The following TMEM132C variants were observed in gnomAD, a reference collection of about 807,000 sequenced individuals.
The protein encoded by TMEM132C is protein phosphatase 1, regulatory subunit 152.
A neutral mutation model predicts 61.4 loss-of-function variants in TMEM132C; 29 were observed. That is an observed-to-expected ratio of 0.47 (90% CI 0.35 to 0.64). The LOEUF is 0.64. TMEM132C is among the 30% of genes least tolerant of loss of function. TMEM132C has a pLI of 0.00. For synonymous variants in TMEM132C, 656 were observed against 633.1 expected, an observed-to-expected ratio of 1.04 and a Z score of -0.54; for missense variants, 1,408 against 1,476.9, an observed-to-expected ratio of 0.95 and a Z score of 0.76.
At chr12:128,401,746 T>C (rs964131300) in intron 1 of TMEM132C, among the ~76,000 whole-genome samples, 2 of 152,302 alleles carry the variant, frequency 1.3e-5, no homozygotes, top group African/African-American at 4.8e-5. Context: ...CCTCTGTGAA[T>C]GTCCAGTGGG....
intron 1 of TMEM132C, among the ~76,000 whole-genome samples, chr12:128,376,797 G>A (rs182964425): frequency 3.3e-5 from 5 of 152,334 alleles, no homozygotes; most frequent in African/African-American, 9.6e-5. Flanking sequence ...TGTGTGCCCC[G>A]AAGTGGGCAT....
At chr12:128,462,708 G>T (rs940963419) in intron 2 of TMEM132C, among the ~76,000 whole-genome samples, 4 of 152,050 alleles carry the variant, frequency 2.6e-5, no homozygotes, top group Non-Finnish European at 5.9e-5. Context: ...AGTAGTAGGG[G>T]GAGCAAAAAT....
intron 2 of TMEM132C, among the ~76,000 whole-genome samples, chr12:128,484,231 G>A (rs558836826): frequency 6.6e-6 from 1 of 152,304 alleles, no homozygotes; most frequent in Non-Finnish European, 1.5e-5. Context: ...ATTCTAAGTT[G>A]CTTTCATCTT....
chr12:128,421,689 A>C (rs1205809749), intron 2 of TMEM132C, among the ~76,000 whole-genome samples: 2 of 152,246 alleles, frequency 1.3e-5, no homozygotes, highest in South Asian at 4.1e-4. Context: ...TTATAATCAA[A>C]TTAGTTCATG....
chr12:128,517,197 C>T (rs1161042599), intron 2 of TMEM132C, among the ~76,000 whole-genome samples: 1 of 151,750 alleles, frequency 6.6e-6, no homozygotes, highest in Non-Finnish European at 1.5e-5. Flanking sequence ...CACCACGGCA[C>T]TCCAGCCTGA....
intron 3 of TMEM132C, among the ~76,000 whole-genome samples, chr12:128,557,440 G>A (rs1874367453): frequency 6.6e-6 from 1 of 152,208 alleles, no homozygotes; most frequent in Admixed American, 6.5e-5. Flanking sequence ...GGGGAAGGCT[G>A]GGAAGCTGAT....
intron 1 of TMEM132C, among the ~76,000 whole-genome samples, chr12:128,286,050 C>T (rs1366130744): frequency 6.6e-5 from 5 of 75,986 alleles, no homozygotes; most frequent in South Asian, 5.2e-4. Context: ...CACCTCTATC[C>T]CTCTCTCCCT....
At chr12:128,402,292 A>G (rs917081032) in intron 1 of TMEM132C, among the ~76,000 whole-genome samples, 18 of 151,928 alleles carry the variant, frequency 1.2e-4, no homozygotes, top group Non-Finnish European at 2.1e-4. Context: ...GGTTTGTTAC[A>G]TAGGTAGCCA....
At chr12:128,677,198 G>T (rs977357504) in intron 5 of TMEM132C, among the ~76,000 whole-genome samples, 1 of 152,150 alleles carries the variant, frequency 6.6e-6, no homozygotes, top group African/African-American at 2.4e-5. Flanking sequence ...AGATTACCTG[G>T]CAGTGGTTTT....
chr12:128,326,687 T>C lies in TMEM132C; in HGVS notation c.85+59200T>C, dbSNP rs1324410514. Among the ~76,000 whole-genome samples, 3 of 152,218 alleles carry C rather than the reference T, an allele frequency of 2.0e-5. No individual in the cohort carries two copies. In the South Asian group the frequency reaches 6.2e-4, roughly 32 times the overall value. ...GGGAACACTGAAGCAGGATCTCTAT[T>C]AGCCTTTGTGCCCCTAAGACGGAGC... On this transcript the variant is annotated intron_variant, in intron 1 of 8. Transcript: ENST00000435159. This position sits in a 1 kb window ranked among gnomAD's most constrained non-coding sequence, Gnocchi z 5.6.
chr12:128,578,735 T>A (rs945064390), intron 3 of TMEM132C, among the ~76,000 whole-genome samples: 20 of 152,052 alleles, frequency 1.3e-4, no homozygotes, highest in Admixed American at 1.0e-3. Flanking sequence ...GTAGCTGGGA[T>A]CACAGGTACC....
At chr12:128,608,110 G>A (rs1011070678) in intron 3 of TMEM132C, among the ~76,000 whole-genome samples, 1 of 152,184 alleles carries the variant, frequency 6.6e-6, no homozygotes, top group Non-Finnish European at 1.5e-5. Context: ...CATGGCCTTA[G>A]AAAGATAAAT....
chr12:128,480,210 C>T (rs1593068433), intron 2 of TMEM132C, among the ~76,000 whole-genome samples: 2 of 152,234 alleles, frequency 1.3e-5, no homozygotes, highest in Middle Eastern at 3.4e-3. Flanking sequence ...CAGTGAGATA[C>T]GATTGTGCCA....
intron 1 of TMEM132C, among the ~76,000 whole-genome samples, chr12:128,393,904 C>T (rs944705029): frequency 8.5e-5 from 13 of 152,288 alleles, no homozygotes; most frequent in East Asian, 5.8e-4. Context: ...TTGTAGCTCC[C>T]GGCCTGGATA....
chr12:128,483,204 G>T (rs1263989556), intron 2 of TMEM132C, among the ~76,000 whole-genome samples: 2 of 148,726 alleles, frequency 1.3e-5, no homozygotes, highest in Non-Finnish European at 3.0e-5. Context: ...GGAGTTTGGG[G>T]TTGCAGTGAG....
chr12:128,656,880 T>C (rs541982064), intron 4 of TMEM132C, among the ~76,000 whole-genome samples: 29 of 152,196 alleles, frequency 1.9e-4, no homozygotes, highest in Non-Finnish European at 3.5e-4. Context: ...TGCCACAATA[T>C]CTTGCTCTAT....
Position 128,512,038 on chromosome 12 carries a change from G to A in TMEM132C, c.975-31919G>A, listed in dbSNP as rs528733498. On this transcript the variant is annotated intron_variant, in intron 2 of 8. Coordinates refer to ENST00000435159, the MANE Select transcript of TMEM132C (RefSeq NM_001136103.3). ...GTCCAAGCACAACCCAAGGCCCCTCGAGCTCCGCCCCTGTCGGCCACAGGC... is the reference window on the plus strand; with the variant it reads ...GTCCAAGCACAACCCAAGGCCCCTCAAGCTCCGCCCCTGTCGGCCACAGGC... 5.9e-5 allele frequency among the ~76,000 whole-genome samples: 9 copies of A among 151,936 alleles called. 1 individual carries two copies. The highest frequency in any genetic ancestry group is 1.9e-4 in the East Asian group (1 of 5,176).
At chr12:128,366,189 G>T (rs11609325) in intron 1 of TMEM132C, among the ~76,000 whole-genome samples, 15,019 of 152,180 alleles carry the variant, frequency 0.099, 1,267 homozygotes, top group East Asian at 0.44. Context: ...TGCCTGTGTC[G>T]CCCGCGGCTC....
chr12:128,472,030 C>A (rs545588913), intron 2 of TMEM132C, among the ~76,000 whole-genome samples: 1 of 152,126 alleles, frequency 6.6e-6, no homozygotes, highest in African/African-American at 2.4e-5. Context: ...TAGGGTTACG[C>A]AGATGAAATA....
Sources: allele counts gnomAD v4.1 joint callset (sites outside exome capture counted in the v4.1 genomes callset), GRCh38; gene constraint gnomAD v4.1.1; non-coding constraint Gnocchi (gnomAD v3.1); transcripts MANE v1.5; gene names NCBI Gene and HGNC (gene_info 2026-07-23, HGNC 2026-07-21).